XKR6: variants seen among roughly 807,000 people sequenced by gnomAD.
XKR6 encodes the protein XK-related protein 6.
Under a neutral mutation model 56.7 loss-of-function variants are expected in XKR6, and 22 were observed. The ratio of observed to expected loss-of-function variants is 0.39; its 90% CI spans 0.28 to 0.55. The LOEUF is 0.55. Ranked by LOEUF, XKR6 falls within the 20% of genes least tolerant of loss-of-function variation. The pLI is 0.66. For missense variants in XKR6, 852 were observed against 889.0 expected, an observed-to-expected ratio of 0.96 and a Z score of 0.53; for synonymous variants, 524 against 387.8, an observed-to-expected ratio of 1.35 and a Z score of -4.13.
intron 1 of XKR6, among the ~76,000 whole-genome samples, chr8:10,968,775 G>T (rs1404078688): frequency 6.6e-6 from 1 of 152,246 alleles, no homozygotes. Context: ...AGAAGAAAGA[G>T]GAAAATAGAA....
At position 10,998,290 on chromosome 8, in the gene XKR6, C is replaced by CACAT. The variant is rs2129142306; in HGVS notation, c.765-73461_765-73460insATGT. Among the ~76,000 whole-genome samples the CACAT allele has an allele frequency of 3.3e-5, 5 of 152,262 alleles. No individual in the cohort carries two copies. The East Asian group carries it at 9.6e-4, about 29-fold the overall frequency. ...CTACACACACACACACACATACACA[C>CACAT]ACACACACACCTCTTAGTTGTCATT... is the stretch of plus-strand genomic sequence containing the variant. On this transcript the variant is annotated intron_variant, in intron 1 of 2. Coordinates refer to ENST00000416569, the MANE Select transcript of XKR6 (RefSeq NM_173683.4).
At chr8:11,171,363 G>C (rs1240881861) in intron 1 of XKR6, among the ~76,000 whole-genome samples, 1 of 152,266 alleles carries the variant, frequency 6.6e-6, no homozygotes, top group Non-Finnish European at 1.5e-5. Flanking sequence ...CAGAGATTAA[G>C]AGTTGCAGCT....
chr8:11,139,090 A>G (rs1800548696), intron 1 of XKR6, among the ~76,000 whole-genome samples: 1 of 152,224 alleles, frequency 6.6e-6, no homozygotes, highest in Non-Finnish European at 1.5e-5. Context: ...GAATAAAACC[A>G]TTAACCTTTA....
intron 1 of XKR6, among the ~76,000 whole-genome samples, chr8:11,056,930 A>T (rs966003154): frequency 6.6e-6 from 1 of 152,124 alleles, no homozygotes; most frequent in African/African-American, 2.4e-5. Context: ...CTCCCAGTCC[A>T]GGCTAAGAAA....
At chr8:11,148,598 T>C (rs914511810) in intron 1 of XKR6, among the ~76,000 whole-genome samples, 22 of 152,242 alleles carry the variant, frequency 1.4e-4, no homozygotes, top group African/African-American at 5.3e-4. Flanking sequence ...ATGGTTCAAC[T>C]ACTCTGGAAA....
intron 1 of XKR6, among the ~76,000 whole-genome samples, chr8:10,979,988 G>C (rs188078639): frequency 1.9e-3 from 295 of 152,368 alleles, no homozygotes; most frequent in African/African-American, 6.9e-3. Flanking sequence ...CAACCCTGCT[G>C]CTGCCCCGTC....
Position 10,897,821 on chromosome 8 carries a change from G to T in XKR6, c.*131C>A. The T allele has an allele frequency of 2.6e-6, 3 of 1,154,200 alleles. No individual in the cohort carries two copies. The highest frequency in any genetic ancestry group is 3.6e-6 in the Non-Finnish European group (3 of 843,628). The allele number at this position is 1,154,200 out of a possible 1,614,324, so 71.5% of individuals were successfully genotyped here. A position where few individuals can be genotyped will look rare whatever the true frequency, so the allele number is the denominator to read the frequency against. ...ATTCTTTTTTTTTTGTAGTGGTGGT[G>T]TTGGTGTGGCGGTGTTGGTGGTGGT... On this transcript the variant is annotated 3_prime_UTR_variant, in exon 3 of 3. Transcript: ENST00000416569.
At chr8:11,198,073 C>G (rs924502584) in intron 1 of XKR6, among the ~76,000 whole-genome samples, 2 of 152,136 alleles carry the variant, frequency 1.3e-5, no homozygotes, top group African/African-American at 4.8e-5. Flanking sequence ...GTTTCCACAG[C>G]AAATATGTTT....
chr8:10,989,903 T>G (rs1353532162), intron 1 of XKR6, among the ~76,000 whole-genome samples: 2 of 152,242 alleles, frequency 1.3e-5, no homozygotes, highest in Admixed American at 1.3e-4. Context: ...ATCTTTTGAC[T>G]GAGCTCTGTT....
chr8:11,002,017 T>A (rs1017172810), intron 1 of XKR6, among the ~76,000 whole-genome samples: 1 of 151,906 alleles, frequency 6.6e-6, no homozygotes, highest in Admixed American at 6.5e-5. Flanking sequence ...TCTCTTCTCC[T>A]TTAGGAAATG....
intron 1 of XKR6, among the ~76,000 whole-genome samples, chr8:11,087,197 G>C (rs752117636): frequency 1.3e-5 from 2 of 152,090 alleles, no homozygotes; most frequent in Non-Finnish European, 2.9e-5. Flanking sequence ...TGAGGCTTTG[G>C]TGTTGAAATA....
At chr8:11,131,830 C>A (rs575549019) in intron 1 of XKR6, among the ~76,000 whole-genome samples, 7 of 152,206 alleles carry the variant, frequency 4.6e-5, no homozygotes, top group African/African-American at 1.7e-4. Flanking sequence ...ACGTGCTATA[C>A]AGGCTTGAAG....
intron 1 of XKR6, among the ~76,000 whole-genome samples, chr8:11,087,511 G>C (rs1797928964): frequency 6.6e-6 from 1 of 152,072 alleles, no homozygotes; most frequent in Non-Finnish European, 1.5e-5. Flanking sequence ...TATGGACAAG[G>C]TTTCTTCTTT....
At chr8:10,920,781 A>G (rs1800687445) in intron 2 of XKR6, among the ~76,000 whole-genome samples, 1 of 152,278 alleles carries the variant, frequency 6.6e-6, no homozygotes, top group South Asian at 2.1e-4. Context: ...CTGATGCTAT[A>G]GCCTCATTCT....
intron 1 of XKR6, among the ~76,000 whole-genome samples, chr8:10,996,375 G>C (rs151153145): frequency 0.013 from 2,018 of 152,294 alleles, 43 homozygotes; most frequent in African/African-American, 0.046. Flanking sequence ...CTGCTCCCAG[G>C]TAATTTGAGG....
At chr8:11,163,754 G>T (rs1801938351) in intron 1 of XKR6, among the ~76,000 whole-genome samples, 1 of 152,182 alleles carries the variant, frequency 6.6e-6, no homozygotes, top group Admixed American at 6.5e-5. Context: ...TTCCTCTGAG[G>T]TAAATGTATC....
intron 2 of XKR6, among the ~76,000 whole-genome samples, chr8:10,900,886 A>C (rs1177725481): frequency 6.4e-4 from 42 of 65,566 alleles, no homozygotes; most frequent in Non-Finnish European, 1.1e-3. Flanking sequence ...ACAGGGTTTT[A>C]CCCTGTCGCT....
chr8:10,959,828 C>T (rs895073486), intron 1 of XKR6, among the ~76,000 whole-genome samples: 1 of 152,186 alleles, frequency 6.6e-6, no homozygotes, highest in African/African-American at 2.4e-5. Context: ...TCTGGTGTTC[C>T]AATGGCAGGA....
At chr8:11,101,054 G>T (rs765910016) in intron 1 of XKR6, among the ~76,000 whole-genome samples, 2 of 152,158 alleles carry the variant, frequency 1.3e-5, no homozygotes, top group Non-Finnish European at 2.9e-5. Flanking sequence ...TCGCTAAAAC[G>T]CTTTGAAAAG....
Sources: gnomAD v4.1 joint callset for allele counts (sites outside exome capture counted in the v4.1 genomes callset) on GRCh38, gnomAD v4.1.1 for gene constraint, MANE v1.5 for transcripts, NCBI Gene and HGNC (gene_info 2026-07-23, HGNC 2026-07-21) for gene names.